The following NEDD4 variants were observed in gnomAD, a reference collection of about 807,000 sequenced individuals.
The protein encoded by NEDD4 is E3 ubiquitin-protein ligase NEDD4.
In NEDD4, 99 loss-of-function variants were observed where a neutral mutation model predicts 144.9. That is an observed-to-expected ratio of 0.68 (90% CI 0.58 to 0.81). The LOEUF is 0.81. NEDD4 is among the 30% of genes least tolerant of loss of function. NEDD4 has a pLI of 0.00. For missense variants in NEDD4, 985 were observed against 1,065.9 expected (o/e 0.92, Z 1.06); for synonymous variants, 318 against 350.6 (o/e 0.91, Z 1.04).
intron 12 of NEDD4, among the ~76,000 whole-genome samples, chr15:55,855,898 G>T (rs2034173791): frequency 6.6e-6 from 1 of 152,136 alleles, no homozygotes; most frequent in Non-Finnish European, 1.5e-5. Flanking sequence ...CAACTGACAA[G>T]CCCAGATACC....
At position 55,827,025 on chromosome 15, in the gene NEDD4, G is replaced by T. The variant is rs572168037; in HGVS notation, c.*2872C>A. 1.3e-3 allele frequency: 198 copies of T among 152,158 alleles called. 1 individual carries two copies. The highest frequency in any genetic ancestry group is 4.6e-3 in the African/African-American group (193 of 41,514). The allele number at this position is 152,158 out of a possible 1,614,324, so 9.4% of individuals were successfully genotyped here. On this transcript the variant is annotated 3_prime_UTR_variant, in exon 29 of 29. Transcript: ENST00000435532. ...CAATAAATTTTGATACATCAATCTT[G>T]ATATATATATTTACTGTGTCAGAAG...
intron 5 of NEDD4, chr15:55,916,143 C>T (rs1476586889): frequency 5.6e-6 from 9 of 1,613,752 alleles, no homozygotes; most frequent in African/African-American, 1.3e-5. Context: ...TGTACTTGTA[C>T]TTCTTGAAAA....
At chr15:55,962,182 A>C (rs1449128106) in intron 2 of NEDD4, among the ~76,000 whole-genome samples, 1 of 152,202 alleles carries the variant, frequency 6.6e-6, no homozygotes, top group Non-Finnish European at 1.5e-5. Flanking sequence ...CCAGATACGA[A>C]TATATCCACT....
Position 55,826,981 on chromosome 15 carries a change from T to C in NEDD4, c.*2916A>G, listed in dbSNP as rs1595714116. 6.6e-6 allele frequency: 1 copy of C among 152,222 alleles called. No individual in the cohort carries two copies. The highest frequency in any genetic ancestry group is 2.4e-5 in the African/African-American group (1 of 41,450). The allele number at this position is 152,222 out of a possible 1,614,324, so 9.4% of individuals were successfully genotyped here. A position where few individuals can be genotyped will look rare whatever the true frequency, so the allele number is the denominator to read the frequency against. On this transcript the variant is annotated 3_prime_UTR_variant, in exon 29 of 29. Coordinates refer to ENST00000435532, the MANE Select transcript of NEDD4 (RefSeq NM_006154.4). The stretch of plus-strand genomic sequence containing the variant: ...GTGGATTCAAGATTTTAAAAAATGA[T>C]TTTACACTTTAAAGTGTGCAATAAA...
chr15:55,890,035 T>C (rs1249993436), intron 5 of NEDD4, among the ~76,000 whole-genome samples: 16 of 152,088 alleles, frequency 1.1e-4, no homozygotes, highest in Non-Finnish European at 4.4e-5. Context: ...TAAAAGAGCA[T>C]AATTCTACTG....
intron 18 of NEDD4, among the ~76,000 whole-genome samples, chr15:55,843,461 T>C (rs764396996): frequency 2.6e-5 from 4 of 152,230 alleles, no homozygotes; most frequent in Non-Finnish European, 4.4e-5. Flanking sequence ...ATGTGACAAA[T>C]GTACACAACT....
At chr15:55,834,925 G>A (rs1367253927) in intron 24 of NEDD4, among the ~76,000 whole-genome samples, 2 of 152,010 alleles carry the variant, frequency 1.3e-5, no homozygotes. Context: ...CCTTCCCACC[G>A]CAGTGCCGCC....
chr15:55,973,783 T>A (rs7174680), intron 1 of NEDD4, among the ~76,000 whole-genome samples: 22,411 of 148,610 alleles, frequency 0.15, 1,797 homozygotes, highest in East Asian at 0.32. Context: ...AAAGCAGTAC[T>A]AAAAGAGAAG....
intron 24 of NEDD4, 50 bp downstream of exon 24, chr15:55,837,739 A>G (rs2033278423): frequency 7.2e-7 from 1 of 1,379,874 alleles, no homozygotes; most frequent in Non-Finnish European, 1.0e-6. Flanking sequence ...TTTGAAACTT[A>G]TAGGTTATAC....
At chr15:55,960,711 T>C (rs1199802429) in intron 2 of NEDD4, among the ~76,000 whole-genome samples, 1 of 152,188 alleles carries the variant, frequency 6.6e-6, no homozygotes, top group East Asian at 1.9e-4. Flanking sequence ...ACCCTAATAC[T>C]GATTTCTCAG....
intron 5 of NEDD4, among the ~76,000 whole-genome samples, chr15:55,913,982 T>A (rs1468172962): frequency 6.6e-5 from 10 of 151,930 alleles, no homozygotes; most frequent in Non-Finnish European, 1.5e-4. Flanking sequence ...TAGATTATAA[T>A]CTCCTAAAAT....
At chr15:55,915,269 C>T in intron 5 of NEDD4, 3 of 1,540,284 alleles carry the variant, frequency 1.9e-6, no homozygotes, top group Non-Finnish European at 2.6e-6. Flanking sequence ...TTTACCAAGA[C>T]CAAAGGAAAC....
chr15:55,843,467 C>G (rs566755954), intron 18 of NEDD4, among the ~76,000 whole-genome samples: 2 of 152,192 alleles, frequency 1.3e-5, no homozygotes, highest in African/African-American at 2.4e-5. Context: ...CAAATGTACA[C>G]AACTATGCTT....
rs745427234 is a variant in NEDD4, at chr15:55,863,091, G to C, written c.508-12C>G. On this transcript the variant is annotated splice_polypyrimidine_tract_variant and intron_variant, in intron 8 of 28. Coordinates refer to ENST00000435532, the MANE Select transcript of NEDD4 (RefSeq NM_006154.4). ...ACAACCCAGCCAGGCTGAAAAACAG[G>C]ATGGCAGCAATTAAGTTTACGCATG... 1 of 1,548,192 alleles carries C rather than the reference G, an allele frequency of 6.5e-7. No homozygotes were observed. Among genetic ancestry groups the C allele is most frequent in the East Asian group, 2.3e-5 (1 of 43,348 alleles).
chr15:55,845,630 G>A (rs1350786515), intron 18 of NEDD4, among the ~76,000 whole-genome samples: 1 of 152,072 alleles, frequency 6.6e-6, no homozygotes, highest in Middle Eastern at 3.4e-3. Context: ...ACCACTCAGA[G>A]TGGCAAATGG....
intron 8 of NEDD4, among the ~76,000 whole-genome samples, chr15:55,868,219 T>C (rs2034651744): frequency 6.6e-6 from 1 of 152,200 alleles, no homozygotes; most frequent in Admixed American, 6.5e-5. Context: ...AGGTAGAGCC[T>C]AGCCCCTGGG....
chr15:55,894,284 G>A (rs182891728), intron 5 of NEDD4, among the ~76,000 whole-genome samples: 259 of 152,232 alleles, frequency 1.7e-3, no homozygotes, highest in African/African-American at 5.9e-3. Context: ...AAACAATGCA[G>A]CACAAGTATT....
chr15:55,979,922 T>A (rs1472547763), intron 1 of NEDD4, among the ~76,000 whole-genome samples: 1 of 151,512 alleles, frequency 6.6e-6, no homozygotes, highest in Non-Finnish European at 1.5e-5. Flanking sequence ...TATTACTTTT[T>A]TTTTTTGAGA....
At chr15:55,951,343 T>C (rs1459445381) in intron 4 of NEDD4, 33 bp downstream of exon 4, 2 of 832,010 alleles carry the variant, frequency 2.4e-6, no homozygotes, top group African/African-American at 3.6e-5. Flanking sequence ...AAACTTACTT[T>C]TTCCACTTTA....
Sources: gnomAD v4.1 joint callset for allele counts (sites outside exome capture counted in the v4.1 genomes callset) on GRCh38, gnomAD v4.1.1 for gene constraint, MANE v1.5 for transcripts, NCBI Gene and HGNC (gene_info 2026-07-23, HGNC 2026-07-21) for gene names.